The following SETDB1 variants were observed in gnomAD, a reference collection of about 807,000 sequenced individuals.
The protein encoded by SETDB1 is SET domain bifurcated histone lysine methyltransferase 1, also known as histone-lysine N-methyltransferase SETDB1.
In SETDB1, 31 loss-of-function variants were observed where a neutral mutation model predicts 137.4. The ratio of observed to expected loss-of-function variants is 0.23; its 90% CI spans 0.17 to 0.30. SETDB1 has a LOEUF of 0.30. Among genes scored for constraint, SETDB1 ranks in the 10% least tolerant of loss-of-function variants. SETDB1 has a pLI of 1.00. For synonymous variants in SETDB1, 548 were observed against 579.9 expected (o/e 0.95, Z 0.79); for missense variants, 1,113 against 1,631.5 (o/e 0.68, Z 5.47).
chr1:150,943,194 G>A, intron 7 of SETDB1, 141 bp downstream of exon 7: 1 of 619,740 alleles, frequency 1.6e-6, no homozygotes, highest in South Asian at 2.0e-5. Flanking sequence ...CTTTACCACA[G>A]GAGTCATGTG....
chr1:150,951,120 G>T (rs1320010781), intron 13 of SETDB1, 30 bp downstream of exon 13: 2 of 1,584,266 alleles, frequency 1.3e-6, no homozygotes, highest in African/African-American at 1.4e-5. Flanking sequence ...TGCTGCCCCT[G>T]CTTCCAACTT....
At chr1:150,930,174 G>C in intron 3 of SETDB1, 56 bp downstream of exon 3, 1 of 1,431,754 alleles carries the variant, frequency 7.0e-7, no homozygotes, top group Non-Finnish European at 9.7e-7. Flanking sequence ...AACACTGGAA[G>C]ATGAGCAAAT....
intron 9 of SETDB1, chr1:150,945,343 A>G: frequency 1.4e-6 from 2 of 1,397,162 alleles, no homozygotes; most frequent in Non-Finnish European, 1.9e-6. Flanking sequence ...TGATTTATTT[A>G]TTTTTTTTCT....
At chr1:150,940,291 C>T (rs1670093712) in intron 4 of SETDB1, among the ~76,000 whole-genome samples, 1 of 152,066 alleles carries the variant, frequency 6.6e-6, no homozygotes, top group Admixed American at 6.6e-5. Flanking sequence ...TTGGGCTGGG[C>T]ACATTGGCTC....
At chr1:150,962,438 A>G (rs1253531079) in intron 17 of SETDB1, 149 bp from the exon 18 acceptor site, 1 of 789,946 alleles carries the variant, frequency 1.3e-6, no homozygotes, top group Admixed American at 2.2e-5. Context: ...CAGCCTCCCA[A>G]AGTGCTGGGA....
At position 150,963,111 on chromosome 1, in the gene SETDB1, T is replaced by C; in HGVS notation, c.3432T>C (p.Asp1144=). ...IQTISSGSEG[D]DFEDKKNMTG... is the part of the protein sequence containing the mutation. Reference sequence around the variant, plus strand: ...CCATATCCTCTGGCTCTGAAGGGGATGACTTTGAGGACAAGAAGAACATGA... The same window carrying C: ...CCATATCCTCTGGCTCTGAAGGGGACGACTTTGAGGACAAGAAGAACATGA... The change falls in exon 19 of 22, where the codon GAT becomes GAC. Residue 1144 remains aspartate, a synonymous_variant. Coordinates refer to ENST00000692827, the MANE Select transcript of SETDB1 (RefSeq NM_001366418.1). 1 of 1,614,042 alleles carries C rather than the reference T, an allele frequency of 6.2e-7. No individual in the cohort carries two copies. Among genetic ancestry groups the C allele is most frequent in the Middle Eastern group, 1.6e-4 (1 of 6,062 alleles).
At chr1:150,926,923 C>T in intron 1 of SETDB1, 1 of 490,282 alleles carries the variant, frequency 2.0e-6, no homozygotes, top group South Asian at 1.5e-5. Context: ...TAAAATTCCA[C>T]ATGGAAGCAA....
chr1:150,958,992 A>T (rs113514246), intron 14 of SETDB1, among the ~76,000 whole-genome samples, 186 bp from the exon 15 acceptor site: 129 of 152,266 alleles, frequency 8.5e-4, no homozygotes, highest in African/African-American at 2.9e-3. Context: ...CTTGGGCTAC[A>T]TTTCCAAATG....
In SETDB1 at chr1:150,949,485, A is replaced by T; in HGVS notation, c.1543A>T (p.Asn515Tyr). ...CCCTACATCTCCTGCACTCAGTGAA[A>T]ATGTCTCTGGTGGGAAACCTGGGAT... The part of the protein sequence containing the change: ...SSPTSPALSE[N>Y]VSGGKPGINQ... Residue 515 changes from asparagine (N) to tyrosine (Y), a missense_variant, in exon 12 of 22, where the codon AAT becomes TAT. This residue lies in a region of SETDB1 where 192 missense variants were observed against 198.1 expected (regional missense o/e 0.97). Transcript: ENST00000692827. 6.2e-7 allele frequency: 1 copy of T among 1,614,054 alleles called. No homozygotes were observed. Among genetic ancestry groups the T allele is most frequent in the South Asian group, 1.1e-5 (1 of 91,076 alleles).
intron 3 of SETDB1, among the ~76,000 whole-genome samples, chr1:150,932,235 T>TA (rs141074251): frequency 2.7e-5 from 4 of 149,216 alleles, no homozygotes; most frequent in Admixed American, 6.7e-5. Context: ...TTTTTTTTTT[T>TA]AAAAAAAAAG....
intron 8 of SETDB1, among the ~76,000 whole-genome samples, 154 bp from the exon 9 acceptor site, chr1:150,944,760 ATTAC>A (rs1670272312): frequency 6.6e-6 from 1 of 152,158 alleles, no homozygotes; most frequent in South Asian, 2.1e-4. Context: ...CATTAGGTTT[ATTAC>A]TTAGGTGGTC....
rs1359679508 is a variant in SETDB1, at chr1:150,959,365, A to T, written c.2503+18A>T. The T allele has an allele frequency of 6.3e-7, 1 of 1,592,052 alleles. No individual in the cohort carries two copies. Among genetic ancestry groups the T allele is most frequent in the Non-Finnish European group, 8.5e-7 (1 of 1,170,028 alleles). ...TTATGCAGGTTGGTGATAAAATATA[A>T]GGGTTGTTTCCTGAGACTGGGACAT... On this transcript the variant is annotated intron_variant, in intron 15 of 21. Coordinates refer to ENST00000692827, the MANE Select transcript of SETDB1 (RefSeq NM_001366418.1).
Position 150,963,886 on chromosome 1 carries a change from T to C in SETDB1, c.3673-109T>C, listed in dbSNP as rs777159720. The C allele has an allele frequency of 3.1e-6, 4 of 1,281,086 alleles. No individual in the cohort carries two copies. In the South Asian group the frequency reaches 4.8e-5, roughly 15 times the overall value. The allele number at this position is 1,281,086 out of a possible 1,614,324, so 79.4% of individuals were successfully genotyped here. A position where few individuals can be genotyped will look rare whatever the true frequency, so the allele number is the denominator to read the frequency against. ...GGTAGCTTTCTTTCAAAGCATCTAT[T>C]ATAATGGGGAGGGTCAGATGGCATC... On this transcript the variant is annotated intron_variant, in intron 20 of 21. Coordinates refer to ENST00000692827, the MANE Select transcript of SETDB1 (RefSeq NM_001366418.1).
In SETDB1 at chr1:150,949,272, A is replaced by ACAG. The variant is rs1199539931; in HGVS notation, c.1419_1421dup (p.Ser474dup). On this transcript the variant is annotated inframe_insertion, in exon 11 of 22. Coordinates refer to ENST00000692827, the MANE Select transcript of SETDB1 (RefSeq NM_001366418.1). ...CCACCTCTATCCCCCCAAGCAGGTG[A>ACAG]CAGTGAGTGAGTGTTATTCTTTCTT... The ACAG allele has an allele frequency of 4.3e-6, 7 of 1,613,810 alleles. No homozygotes were observed. Among genetic ancestry groups the ACAG allele is most frequent in the Non-Finnish European group, 5.1e-6 (6 of 1,179,870 alleles).
At chr1:150,950,307 T>C in intron 12 of SETDB1, 151 bp from the exon 13 acceptor site, 1 of 649,652 alleles carries the variant, frequency 1.5e-6, no homozygotes. Context: ...CCAGGTTTGG[T>C]AGGGCAAGGG....
At position 150,964,636 on chromosome 1, in the gene SETDB1, TC is replaced by T. The variant is rs1670934840; in HGVS notation, c.*274del. The T allele has an allele frequency of 1.6e-6, 1 of 624,988 alleles. No individual in the cohort carries two copies. The highest frequency in any genetic ancestry group is 2.9e-6 in the Non-Finnish European group (1 of 348,122). 38.7% of individuals were successfully genotyped at this position (624,988 alleles called of 1,614,324 possible). ...TCCCATCCCATATTTGTCCAAGTGT[TC>T]CTGCTTCTAACAGACTTTGTTCTTA... On this transcript the variant is annotated 3_prime_UTR_variant, in exon 22 of 22. Transcript: ENST00000692827.
chr1:150,949,676 C>A, intron 12 of SETDB1, 151 bp downstream of exon 12: 1 of 596,582 alleles, frequency 1.7e-6, no homozygotes. Context: ...ATAGAAGTTC[C>A]TAAGAAATAG....
At chr1:150,943,555 A>C (rs1395634773) in intron 7 of SETDB1, among the ~76,000 whole-genome samples, 1 of 152,196 alleles carries the variant, frequency 6.6e-6, no homozygotes, top group African/African-American at 2.4e-5. Context: ...GCATGCCTGT[A>C]ATCCCAGCTA....
chr1:150,958,229 TTTTTTTTTC>T (rs1483856038), intron 14 of SETDB1, among the ~76,000 whole-genome samples: 3 of 145,884 alleles, frequency 2.1e-5, no homozygotes, highest in Non-Finnish European at 3.0e-5. Flanking sequence ...TTATGACCTT[TTTTTTTTTC>T]TTTTTTTTCT....
Sources: allele counts gnomAD v4.1 joint callset (sites outside exome capture counted in the v4.1 genomes callset), GRCh38; gene constraint gnomAD v4.1.1; regional missense constraint gnomAD v4.1.1; transcripts MANE v1.5; gene names NCBI Gene and HGNC (gene_info 2026-07-23, HGNC 2026-07-21).